Variants in PRKCE observed in about 807,000 individuals in gnomAD.
PRKCE encodes the protein protein kinase C epsilon type.
In PRKCE, 16 loss-of-function variants were observed where a neutral mutation model predicts 85.4. That is an observed-to-expected ratio of 0.19 (90% CI 0.13 to 0.28). The LOEUF is 0.28. Among genes scored for constraint, PRKCE ranks in the 10% least tolerant of loss-of-function variants. The pLI, the probability that PRKCE is intolerant of heterozygous loss-of-function variation, is 1.00. For synonymous variants in PRKCE, 388 were observed against 371.5 expected (o/e 1.04, Z -0.51); for missense variants, 573 against 975.2 (o/e 0.59, Z 5.49).
chr2:45,779,823 C>T (rs182657304), intron 1 of PRKCE, among the ~76,000 whole-genome samples: 179 of 152,132 alleles, frequency 1.2e-3, no homozygotes, highest in African/African-American at 4.0e-3. Flanking sequence ...ATTTCCTTGT[C>T]ATCAAAAATT....
intron 14 of PRKCE, among the ~76,000 whole-genome samples, chr2:46,173,764 T>C (rs1461740366): frequency 6.6e-6 from 1 of 152,238 alleles, no homozygotes. Flanking sequence ...CTGAAAGCTG[T>C]GTCTATAGAC....
At chr2:45,960,411 A>G (rs895602913) in intron 2 of PRKCE, among the ~76,000 whole-genome samples, 1 of 152,214 alleles carries the variant, frequency 6.6e-6, no homozygotes, top group Non-Finnish European at 1.5e-5. Context: ...TTTTGGTACC[A>G]GGGACTGGTT....
Position 46,069,764 on chromosome 2 carries a change from T to C in PRKCE, c.1438-16444T>C, listed in dbSNP as rs116232346. 8.0e-3 allele frequency among the ~76,000 whole-genome samples: 1,225 copies of C among 152,374 alleles called. 19 individuals carry two copies. The highest frequency in any genetic ancestry group is 0.028 in the African/African-American group (1,178 of 41,584). ...TTATTTTAGTTTTTCTTGGCAACTT[T>C]GGTGTAACAGTTGGCTATAAGAAGG... On this transcript the variant is annotated intron_variant, in intron 10 of 14. Coordinates refer to ENST00000306156, the MANE Select transcript of PRKCE (RefSeq NM_005400.3).
intron 2 of PRKCE, among the ~76,000 whole-genome samples, chr2:45,848,044 T>C (rs1323336156): frequency 1.3e-5 from 2 of 152,176 alleles, no homozygotes; most frequent in African/African-American, 4.8e-5. Flanking sequence ...GTTTTGTATG[T>C]GAAGACTCTG....
At position 45,790,119 on chromosome 2, in the gene PRKCE, G is replaced by A. The variant is rs529702762; in HGVS notation, c.349-52881G>A. On this transcript the variant is annotated intron_variant, in intron 1 of 14. Coordinates refer to ENST00000306156, the MANE Select transcript of PRKCE (RefSeq NM_005400.3). ...ATGGCTCTTGGGACAGACAGTTCCT[G>A]TGTAGCCAGCTCTTCAGTATTGTCT... Among the ~76,000 whole-genome samples the A allele has an allele frequency of 2.6e-5, 4 of 152,306 alleles. No individual in the cohort carries two copies. In the South Asian group the frequency reaches 6.2e-4, roughly 24 times the overall value.
At chr2:45,872,337 G>A (rs1345609044) in intron 2 of PRKCE, among the ~76,000 whole-genome samples, 1 of 152,214 alleles carries the variant, frequency 6.6e-6, no homozygotes, top group Non-Finnish European at 1.5e-5. Context: ...GCATGAGGAG[G>A]CAAAGGGTGG....
chr2:46,102,285 C>G (rs767685291), intron 11 of PRKCE, among the ~76,000 whole-genome samples: 4 of 152,186 alleles, frequency 2.6e-5, no homozygotes, highest in African/African-American at 7.2e-5. Context: ...CAGGCCTACA[C>G]TGGGTTCCTT....
intron 11 of PRKCE, among the ~76,000 whole-genome samples, chr2:46,118,607 A>C (rs2104305663): frequency 6.6e-6 from 1 of 152,344 alleles, no homozygotes; most frequent in Non-Finnish European, 1.5e-5. Flanking sequence ...CTGCCTAACA[A>C]CTGGCTTCAA....
chr2:46,064,153 G>A (rs1003781894), intron 10 of PRKCE, among the ~76,000 whole-genome samples: 11 of 151,724 alleles, frequency 7.3e-5, no homozygotes, highest in Admixed American at 2.6e-4. Flanking sequence ...ATGGTGACAC[G>A]TGCCTGTAAT....
At chr2:45,834,584 A>ATG (rs1483056012) in intron 1 of PRKCE, among the ~76,000 whole-genome samples, 72 of 132,300 alleles carry the variant, frequency 5.4e-4, no homozygotes, top group African/African-American at 2.3e-3. Context: ...ACGTGTGCGC[A>ATG]TGTGTGTATG....
chr2:45,925,786 A>G (rs1371133440), intron 2 of PRKCE, among the ~76,000 whole-genome samples: 1 of 152,206 alleles, frequency 6.6e-6, no homozygotes, highest in Non-Finnish European at 1.5e-5. Context: ...GATGTTGATG[A>G]CAGAAGGCTG....
intron 2 of PRKCE, among the ~76,000 whole-genome samples, chr2:45,942,696 A>G (rs935619955): frequency 1.3e-5 from 2 of 152,126 alleles, no homozygotes; most frequent in African/African-American, 2.4e-5. Context: ...GCTTTGTTTT[A>G]TGATTCTGCG....
intron 14 of PRKCE, among the ~76,000 whole-genome samples, chr2:46,173,542 T>C (rs1043253221): frequency 3.3e-5 from 5 of 152,232 alleles, no homozygotes; most frequent in Admixed American, 6.5e-5. Context: ...ACAAGGAACA[T>C]GTTCCTCAGT....
At chr2:45,720,759 A>G (rs1219357439) in intron 1 of PRKCE, among the ~76,000 whole-genome samples, 1 of 152,170 alleles carries the variant, frequency 6.6e-6, no homozygotes, top group Non-Finnish European at 1.5e-5. Flanking sequence ...GTCTGCTTCT[A>G]ATATGCCAGC....
At chr2:46,178,522 T>G (rs1289450898) in intron 14 of PRKCE, among the ~76,000 whole-genome samples, 1 of 152,232 alleles carries the variant, frequency 6.6e-6, no homozygotes, top group Non-Finnish European at 1.5e-5. Context: ...TCATTTAACT[T>G]CACACATCAG....
intron 5 of PRKCE, among the ~76,000 whole-genome samples, chr2:45,982,329 C>A (rs891102784): frequency 2.0e-5 from 3 of 152,218 alleles, no homozygotes; most frequent in Non-Finnish European, 4.4e-5. Flanking sequence ...TACACACATA[C>A]ACACCAGAAA....
At chr2:45,844,435 C>T (rs1037420852) in intron 2 of PRKCE, among the ~76,000 whole-genome samples, 1 of 152,190 alleles carries the variant, frequency 6.6e-6, no homozygotes, top group African/African-American at 2.4e-5. Flanking sequence ...CAATATTTCA[C>T]ATGAAATATT....
chr2:45,768,085 C>A (rs532752976), intron 1 of PRKCE, among the ~76,000 whole-genome samples: 1 of 152,164 alleles, frequency 6.6e-6, no homozygotes, highest in African/African-American at 2.4e-5. Flanking sequence ...AGTGGTTACC[C>A]AAACCTAGAT....
chr2:46,135,118 C>T (rs137966941), intron 11 of PRKCE, among the ~76,000 whole-genome samples: 1 of 152,290 alleles, frequency 6.6e-6, no homozygotes, highest in African/African-American at 2.4e-5. Context: ...TGTTTGACAC[C>T]TCAGGCTTCC....
Sources: gnomAD v4.1 joint callset for allele counts (sites outside exome capture counted in the v4.1 genomes callset) on GRCh38, gnomAD v4.1.1 for gene constraint, MANE v1.5 for transcripts, NCBI Gene and HGNC (gene_info 2026-07-23, HGNC 2026-07-21) for gene names.